The following UBE4A variants were observed in gnomAD, a reference collection of about 807,000 sequenced individuals.
UBE4A encodes the protein ubiquitination factor E4A.
In UBE4A, 48 loss-of-function variants were observed where a neutral mutation model predicts 117.9. The ratio of observed to expected loss-of-function variants is 0.41; its 90% confidence interval spans 0.32 to 0.52. The LOEUF (loss-of-function observed/expected upper bound fraction) is 0.52. UBE4A is among the 20% of genes least tolerant of loss of function. The pLI, the probability that UBE4A is intolerant of heterozygous loss-of-function variation, is 0.33. For synonymous variants in UBE4A, 407 were observed against 450.0 expected (o/e 0.90, Z 1.21); for missense variants, 1,067 against 1,296.3 (o/e 0.82, Z 2.72).
chr11:118,382,986 T>G (rs1409901722), intron 13 of UBE4A, among the ~76,000 whole-genome samples: 6 of 152,126 alleles, frequency 3.9e-5, no homozygotes, highest in Non-Finnish European at 7.4e-5. Flanking sequence ...TATCCCTGTT[T>G]TATTTATTTT....
intron 1 of UBE4A, among the ~76,000 whole-genome samples, chr11:118,361,434 G>A (rs1948520328): frequency 6.6e-6 from 1 of 152,110 alleles, no homozygotes; most frequent in South Asian, 2.1e-4. Context: ...TCTTACTTTG[G>A]TAAGTCCATT....
At chr11:118,383,388 G>A (rs993009994) in intron 13 of UBE4A, among the ~76,000 whole-genome samples, 1 of 152,056 alleles carries the variant, frequency 6.6e-6, no homozygotes, top group East Asian at 1.9e-4. Context: ...GAGCTCCTGA[G>A]TTTGAGACCA....
chr11:118,384,618 C>G lies in UBE4A; in HGVS notation c.2198-17C>G. On this transcript the variant is annotated splice_polypyrimidine_tract_variant and intron_variant, in intron 13 of 19. Coordinates refer to ENST00000252108, the MANE Select transcript of UBE4A (RefSeq NM_001204077.2). Reference sequence around the variant, plus strand: ...TGGCACCGCCTTTGCTGATATTTCGCTCTTGCCTTACTCCAGGAGACCCCC... The same window carrying G: ...TGGCACCGCCTTTGCTGATATTTCGGTCTTGCCTTACTCCAGGAGACCCCC... 7 of 1,610,188 alleles carry G rather than the reference C, an allele frequency of 4.3e-6. No homozygotes were observed. Among genetic ancestry groups the G allele is most frequent in the Non-Finnish European group, 5.9e-6 (7 of 1,176,624 alleles).
rs1243660263 is a variant in UBE4A at position 118,398,810 on chromosome 11, A to G, written c.*2370A>G. The G allele has an allele frequency of 5.6e-6, 1 of 177,720 alleles. No individual in the cohort carries two copies. The highest frequency in any genetic ancestry group is 1.2e-5 in the Non-Finnish European group (1 of 81,628). The allele number at this position is 177,720 out of a possible 1,614,324, so 11.0% of individuals were successfully genotyped here. Reference sequence around the variant, plus strand: ...CAGTCTGGGTTTTGTTTTTTAATATACTTTTTAATGGATATGTGAAAACTG... The same window carrying G: ...CAGTCTGGGTTTTGTTTTTTAATATGCTTTTTAATGGATATGTGAAAACTG... On this transcript the variant is annotated 3_prime_UTR_variant, in exon 20 of 20. Transcript: ENST00000252108.
chr11:118,397,354 C>T lies in UBE4A; in HGVS notation c.*914C>T, dbSNP rs1224206201. 6.6e-6 allele frequency: 1 copy of T among 152,034 alleles called. No homozygotes were observed. The allele number at this position is 152,034 out of a possible 1,614,324, so 9.4% of individuals were successfully genotyped here. ...GAGTACCACTTTATATTTTCTCTTC[C>T]ATAGTGAGATGTATGCAGTATGTGG... On this transcript the variant is annotated 3_prime_UTR_variant, in exon 20 of 20. Coordinates refer to ENST00000252108, the MANE Select transcript of UBE4A (RefSeq NM_001204077.2).
Position 118,396,479 on chromosome 11 carries a change from G to A in UBE4A, c.*39G>A. 1.3e-6 allele frequency: 2 copies of A among 1,587,066 alleles called. No homozygotes were observed. Among genetic ancestry groups the A allele is most frequent in the Non-Finnish European group, 1.7e-6 (2 of 1,169,362 alleles). On this transcript the variant is annotated 3_prime_UTR_variant, in exon 20 of 20. Coordinates refer to ENST00000252108, the MANE Select transcript of UBE4A (RefSeq NM_001204077.2). Reference sequence around the variant, plus strand: ...ACCAAACCAAAACCAACCCCAGAGTGCAGATAAACAATTGTTTGTGGTTTC... The same window carrying A: ...ACCAAACCAAAACCAACCCCAGAGTACAGATAAACAATTGTTTGTGGTTTC...
At chr11:118,371,316 T>C (rs1055623989) in intron 4 of UBE4A, among the ~76,000 whole-genome samples, 198 bp from the exon 5 acceptor site, 1 of 152,192 alleles carries the variant, frequency 6.6e-6, no homozygotes, top group African/African-American at 2.4e-5. Flanking sequence ...TGAGGCTTGA[T>C]TTAGGATAAC....
rs782034112 is a variant in UBE4A at position 118,381,534 on chromosome 11, G to A, written c.2009+11G>A. On this transcript the variant is annotated intron_variant, in intron 12 of 19. Transcript: ENST00000252108. ...TGGAAGCATAGAAAGGTGAAGTGCT[G>A]AAAGCTTGGTTCTGTCACTGTTTAG... 6.2e-7 allele frequency: 1 copy of A among 1,613,218 alleles called. No individual in the cohort carries two copies. The highest frequency in any genetic ancestry group is 2.2e-5 in the East Asian group (1 of 44,868).
intron 2 of UBE4A, among the ~76,000 whole-genome samples, chr11:118,365,779 A>T (rs567002362): frequency 6.0e-4 from 92 of 152,316 alleles, no homozygotes; most frequent in African/African-American, 2.1e-3. Context: ...AAAAAATCTG[A>T]TCCTTAGCCT....
intron 9 of UBE4A, among the ~76,000 whole-genome samples, chr11:118,375,977 AG>A (rs1312114237): frequency 2.0e-5 from 3 of 152,218 alleles, no homozygotes; most frequent in African/African-American, 7.2e-5. Context: ...TACCAGGCAA[AG>A]AAGCAAGAGG....
intron 16 of UBE4A, among the ~76,000 whole-genome samples, chr11:118,386,891 G>C (rs1948764497): frequency 6.6e-6 from 1 of 152,164 alleles, no homozygotes; most frequent in Admixed American, 6.5e-5. Flanking sequence ...ATGTGTGTCT[G>C]TACACACACA....
At chr11:118,370,740 G>A (rs1948602175) in intron 4 of UBE4A, among the ~76,000 whole-genome samples, 1 of 152,174 alleles carries the variant, frequency 6.6e-6, no homozygotes, top group African/African-American at 2.4e-5. Flanking sequence ...GGGCTTTTGT[G>A]CTGCCTCACA....
chr11:118,378,756 T>C (rs1365137472), intron 10 of UBE4A: 1 of 152,224 alleles, frequency 6.6e-6, no homozygotes, highest in Admixed American at 6.5e-5. Context: ...AAAATGAATA[T>C]CATCTAGTTT....
At chr11:118,393,441 G>C (rs554649264) in intron 19 of UBE4A, among the ~76,000 whole-genome samples, 1 of 152,218 alleles carries the variant, frequency 6.6e-6, no homozygotes, top group South Asian at 2.1e-4. Context: ...TGGGACTACA[G>C]GCATGCACTA....
intron 19 of UBE4A, among the ~76,000 whole-genome samples, chr11:118,394,098 T>A (rs534797501): frequency 6.6e-6 from 1 of 152,256 alleles, no homozygotes; most frequent in South Asian, 2.1e-4. Flanking sequence ...GCCCCTTAAC[T>A]TTTTTTAGTC....
At position 118,374,959 on chromosome 11, in the gene UBE4A, G is replaced by A; in HGVS notation, c.1180G>A (p.Glu394Lys). 2 of 1,588,814 alleles carry A rather than the reference G, an allele frequency of 1.3e-6. No individual in the cohort carries two copies. The change falls in exon 9 of 20, where the codon GAA (glutamate) becomes AAA (lysine). Residue 394 changes from glutamate (E) to lysine (K), a missense_variant. This residue lies in a region of UBE4A where 1,001 missense variants were observed against 1,184.0 expected (regional missense o/e 0.85). Coordinates refer to ENST00000252108, the MANE Select transcript of UBE4A (RefSeq NM_001204077.2). ...GAAGAACTTACTCCAGCTCTCTCCA[G>A]AAACCAAACACTGTATCTTGTCCTG... ...MLKNLLQLSP[E>K]TKHCILSWLG...
At chr11:118,379,030 A>G (rs80356391) in intron 10 of UBE4A, 3,611 of 168,510 alleles carry the variant, frequency 0.021, 120 homozygotes, top group African/African-American at 0.08. Flanking sequence ...AACCAAAGAA[A>G]GACTATCCAT....
chr11:118,388,863 GGA>G, intron 16 of UBE4A, among the ~76,000 whole-genome samples: 1 of 152,046 alleles, frequency 6.6e-6, no homozygotes, highest in South Asian at 2.1e-4. Context: ...CAGCACTTTG[GGA>G]GGCCAAGGCA....
intron 2 of UBE4A, among the ~76,000 whole-genome samples, chr11:118,368,059 C>G (rs1168490834): frequency 6.6e-6 from 1 of 152,038 alleles, no homozygotes; most frequent in Non-Finnish European, 1.5e-5. Flanking sequence ...AATGGCCTAA[C>G]AGGGAAAGGT....
Sources: gnomAD v4.1 joint callset for allele counts (sites outside exome capture counted in the v4.1 genomes callset) on GRCh38, gnomAD v4.1.1 for gene constraint, gnomAD v4.1.1 regional missense constraint, MANE v1.5 for transcripts, NCBI Gene and HGNC (gene_info 2026-07-23, HGNC 2026-07-21) for gene names.